The following PTGER3 variants were observed in gnomAD, a reference collection of about 807,000 sequenced individuals.
The protein encoded by PTGER3 is prostaglandin E receptor 3.
PTGER3 carries 22 observed loss-of-function variants against 34.7 expected under a neutral mutation model. The ratio of observed to expected loss-of-function variants is 0.63; its 90% CI spans 0.45 to 0.91. The LOEUF is 0.91. PTGER3 is among the 40% of genes least tolerant of loss of function. PTGER3 has a pLI of 0.00. For synonymous variants in PTGER3, 241 were observed against 230.1 expected (o/e 1.05, Z -0.43); for missense variants, 468 against 519.4 (o/e 0.90, Z 0.96).
rs141401206 is a variant in PTGER3, at chr1:70,956,149, C to T, written c.1078-2360G>A. 1.0e-3 allele frequency among the ~76,000 whole-genome samples: 152 copies of T among 152,242 alleles called. 1 individual carries two copies. The highest frequency in any genetic ancestry group is 3.3e-3 in the African/African-American group (139 of 41,548). ...CGTGAATGTTGTTAAGTGGATCATA[C>T]GAATGCAGTTCCCTCTATATTTCCT... On this transcript the variant is annotated intron_variant, in intron 2 of 3. Transcript: ENST00000356595.
chr1:70,953,848 A>T (rs891843603), intron 2 of PTGER3: 5 of 796,814 alleles, frequency 6.3e-6, no homozygotes, highest in Non-Finnish European at 9.5e-6. Context: ...AGTTCCTAGA[A>T]GGATGCTAAA....
At position 70,971,837 on chromosome 1, in the gene PTGER3, T is replaced by G; in HGVS notation, c.1170-104A>C. The G allele has an allele frequency of 3.9e-6, 3 of 765,706 alleles. No homozygotes were observed. In the South Asian group the frequency reaches 7.3e-5, roughly 19 times the overall value. The allele number at this position is 765,706 out of a possible 1,614,324, so 47.4% of individuals were successfully genotyped here. A position where few individuals can be genotyped will look rare whatever the true frequency, so the allele number is the denominator to read the frequency against. On this transcript the variant is annotated intron_variant, in intron 3 of 3. Transcript: ENST00000306666. The stretch of plus-strand genomic sequence containing the variant: ...GTAAAATATAAGTAATAAATTTGTT[T>G]GCTTTAAACGTTTAAAACATTCTCT...
intron 1 of PTGER3, among the ~76,000 whole-genome samples, chr1:71,013,392 G>T (rs1369005269): frequency 6.6e-6 from 1 of 152,128 alleles, no homozygotes; most frequent in Non-Finnish European, 1.5e-5. Context: ...GAATTAAAAA[G>T]ATGTTCTTAT....
intron 2 of PTGER3, among the ~76,000 whole-genome samples, chr1:71,000,651 A>G (rs1656388221): frequency 6.6e-6 from 1 of 152,190 alleles, no homozygotes; most frequent in Non-Finnish European, 1.5e-5. Context: ...AACCAGAAAA[A>G]TGTTAGACTC....
chr1:70,983,016 T>A (rs1654537262), intron 2 of PTGER3, among the ~76,000 whole-genome samples: 1 of 152,012 alleles, frequency 6.6e-6, no homozygotes, highest in Non-Finnish European at 1.5e-5. Flanking sequence ...ACTAAGTGAA[T>A]AAGGAGCTTT....
At chr1:71,045,276 A>C (rs896479462) in intron 1 of PTGER3, among the ~76,000 whole-genome samples, 2 of 152,236 alleles carry the variant, frequency 1.3e-5, no homozygotes, top group African/African-American at 2.4e-5. Context: ...ATGGCGCACA[A>C]AAAACTCAAC....
chr1:70,911,095 T>A (rs1385985869), intron 4 of PTGER3, among the ~76,000 whole-genome samples: 2 of 149,810 alleles, frequency 1.3e-5, no homozygotes, highest in African/African-American at 4.9e-5. Flanking sequence ...AAAAAAAAAA[T>A]TCTAATTAAC....
intron 4 of PTGER3, among the ~76,000 whole-genome samples, chr1:70,885,771 A>G (rs1471541290): frequency 6.6e-6 from 1 of 152,204 alleles, no homozygotes; most frequent in Non-Finnish European, 1.5e-5. Context: ...AAGATATACA[A>G]TATGATAAAT....
intron 4 of PTGER3, among the ~76,000 whole-genome samples, chr1:70,887,909 T>A (rs938701503): frequency 1.3e-5 from 2 of 151,546 alleles, no homozygotes; most frequent in Non-Finnish European, 2.9e-5. Flanking sequence ...AGATTCTATT[T>A]AGATCTTTCT....
chr1:70,961,309 A>G lies in PTGER3; in HGVS notation c.1078-7520T>C, dbSNP rs373165891. ...ATCTCTATAAATTCCCTTTTTTAGC[A>G]TCTGTTGTTTTTCCACTTGGTTTCA... On this transcript the variant is annotated intron_variant, in intron 2 of 3. Coordinates refer to the PTGER3 transcript ENST00000356595. Among the ~76,000 whole-genome samples the G allele has an allele frequency of 1.1e-3, 164 of 152,286 alleles. 1 individual carries two copies. Among genetic ancestry groups the G allele is most frequent in the African/African-American group, 3.9e-3 (160 of 41,558 alleles).
At chr1:70,861,351 T>C (rs79943212) in intron 4 of PTGER3, among the ~76,000 whole-genome samples, 1,565 of 152,340 alleles carry the variant, frequency 0.01, 24 homozygotes, top group African/African-American at 0.036. Flanking sequence ...CTTTCTAGTG[T>C]TAGCATTAGC....
intron 1 of PTGER3, among the ~76,000 whole-genome samples, chr1:71,041,950 C>T (rs1363323726): frequency 6.6e-6 from 1 of 152,184 alleles, no homozygotes; most frequent in Non-Finnish European, 1.5e-5. Context: ...GAATCATAGT[C>T]TGTTACAGAT....
At chr1:70,878,546 C>T (rs1040720226) in intron 4 of PTGER3, among the ~76,000 whole-genome samples, 8 of 151,934 alleles carry the variant, frequency 5.3e-5, no homozygotes, top group Non-Finnish European at 1.2e-4. Flanking sequence ...TCTCTAGTTT[C>T]TCTAATTGTG....
intron 4 of PTGER3, among the ~76,000 whole-genome samples, chr1:70,879,845 C>G (rs1246400512): frequency 6.6e-6 from 1 of 152,064 alleles, no homozygotes; most frequent in African/African-American, 2.4e-5. Flanking sequence ...CTTGCAATCC[C>G]AGCACTTTGG....
At chr1:70,952,318 G>T, downstream of PTGER3, 1 of 720,436 alleles carries the variant, frequency 1.4e-6, no homozygotes, top group Non-Finnish European at 1.7e-6. Context: ...ATGGGGTTAT[G>T]AACCCTGCCT....
chr1:70,893,156 G>C (rs984789273), intron 4 of PTGER3, among the ~76,000 whole-genome samples: 7 of 152,166 alleles, frequency 4.6e-5, no homozygotes, highest in African/African-American at 1.7e-4. Flanking sequence ...GTGGTTTGAG[G>C]TTAGAAGCTG....
At chr1:71,015,439 G>A (rs74087171) in intron 1 of PTGER3, among the ~76,000 whole-genome samples, 1,738 of 152,246 alleles carry the variant, frequency 0.011, 41 homozygotes, top group African/African-American at 0.039. Context: ...GATTTGCTTT[G>A]GGAAAAAGGA....
At chr1:70,990,838 T>A (rs530065475) in intron 2 of PTGER3, among the ~76,000 whole-genome samples, 82 of 152,232 alleles carry the variant, frequency 5.4e-4, no homozygotes, top group African/African-American at 1.9e-3. Flanking sequence ...AATATGGAGA[T>A]TAATATTAAT....
At chr1:71,034,063 T>A (rs1326501160) in intron 1 of PTGER3, among the ~76,000 whole-genome samples, 2 of 152,180 alleles carry the variant, frequency 1.3e-5, no homozygotes, top group Non-Finnish European at 2.9e-5. Context: ...TGTGTCTGTA[T>A]CTGGATTCTT....
Sources: allele counts gnomAD v4.1 joint callset (sites outside exome capture counted in the v4.1 genomes callset), GRCh38; gene constraint gnomAD v4.1.1; transcripts MANE v1.5; gene names NCBI Gene and HGNC (gene_info 2026-07-23, HGNC 2026-07-21).